CDH13: variants seen among roughly 807,000 people sequenced by gnomAD.
The protein encoded by CDH13 is cadherin-13.
A neutral mutation model predicts 63.8 loss-of-function variants in CDH13; 24 were observed. The ratio of observed to expected loss-of-function variants is 0.38; its 90% CI spans 0.27 to 0.53. The LOEUF (loss-of-function observed/expected upper bound fraction) is 0.53. CDH13 is among the 20% of genes least tolerant of loss of function. The pLI is 0.85. For synonymous variants in CDH13, 503 were observed against 355.3 expected (o/e 1.42, Z -4.67); for missense variants, 1,049 against 903.1 (o/e 1.16, Z -2.07).
intron 2 of CDH13, among the ~76,000 whole-genome samples, chr16:83,024,980 A>G (rs951363407): frequency 1.3e-5 from 2 of 152,192 alleles, no homozygotes; most frequent in African/African-American, 4.8e-5. Context: ...AACCATTTCC[A>G]TGGCAACAGC....
intron 8 of CDH13, among the ~76,000 whole-genome samples, chr16:83,611,062 A>G (rs1169373606): frequency 6.6e-6 from 1 of 152,156 alleles, no homozygotes; most frequent in Non-Finnish European, 1.5e-5. Context: ...GAAGTTGACC[A>G]TCTTCCATCC....
Position 82,677,147 on chromosome 16 carries a change from G to GGTGGAATTA in CDH13, c.45+50011_45+50019dup, listed in dbSNP as rs1914020818. ...TCCACCCTCCTTGGCCTCCCAAAGT[G>GGTGGAATTA]GTGGAATTATAGGAGTGAGCCACTG... On this transcript the variant is annotated intron_variant, in intron 1 of 13. Coordinates refer to ENST00000567109, the MANE Select transcript of CDH13 (RefSeq NM_001257.5). 5.9e-5 allele frequency among the ~76,000 whole-genome samples: 9 copies of GGTGGAATTA among 152,262 alleles called. No individual in the cohort carries two copies. In the South Asian group the frequency reaches 1.9e-3, roughly 32 times the overall value.
chr16:83,151,629 C>T (rs1371532503), intron 4 of CDH13, among the ~76,000 whole-genome samples: 1 of 151,948 alleles, frequency 6.6e-6, no homozygotes, highest in Non-Finnish European at 1.5e-5. Context: ...TCAAGGATAG[C>T]TTTAAAAAAA....
chr16:83,737,997 A>G (rs1023770530), intron 10 of CDH13, among the ~76,000 whole-genome samples: 2 of 152,250 alleles, frequency 1.3e-5, no homozygotes, highest in Non-Finnish European at 2.9e-5. Context: ...ATATGAATAC[A>G]TACATCGTAC....
At chr16:83,332,871 G>A (rs560668656) in intron 5 of CDH13, among the ~76,000 whole-genome samples, 34 of 152,154 alleles carry the variant, frequency 2.2e-4, no homozygotes, top group African/African-American at 7.0e-4. Flanking sequence ...GATTGTGAGC[G>A]TGCATACACA....
intron 5 of CDH13, among the ~76,000 whole-genome samples, chr16:83,293,446 G>T (rs899819360): frequency 1.1e-3 from 166 of 152,190 alleles, no homozygotes; most frequent in African/African-American, 3.9e-3. Context: ...GCTGTCATCT[G>T]GGAAAGGTCA....
rs145183104 is a variant in CDH13 at position 82,760,481 on chromosome 16, C to A, written c.46-97881C>A. On this transcript the variant is annotated intron_variant, in intron 1 of 13. Coordinates refer to ENST00000567109, the MANE Select transcript of CDH13 (RefSeq NM_001257.5). ...TTTTGTACTTTTATTAATATTATGG[C>A]ATTACAACACCTTACTTTAGGAGAT... is the stretch of plus-strand genomic sequence containing the variant. Among the ~76,000 whole-genome samples the A allele has an allele frequency of 4.7e-3, 717 of 152,140 alleles. 12 individuals carry two copies. The highest frequency in any genetic ancestry group is 0.016 in the African/African-American group (672 of 41,472).
chr16:82,720,878 G>A (rs2032729095), intron 1 of CDH13, among the ~76,000 whole-genome samples: 1 of 152,182 alleles, frequency 6.6e-6, no homozygotes, highest in African/African-American at 2.4e-5. Context: ...TCCTGTGCCT[G>A]AAACAAAGCT....
chr16:82,908,519 C>T (rs1160897825), intron 2 of CDH13, among the ~76,000 whole-genome samples: 1 of 152,146 alleles, frequency 6.6e-6, no homozygotes, highest in Non-Finnish European at 1.5e-5. Flanking sequence ...TTTTAAACAC[C>T]TTATTTAACA....
chr16:83,408,785 C>G (rs1342591134), intron 6 of CDH13, among the ~76,000 whole-genome samples: 2 of 152,136 alleles, frequency 1.3e-5, no homozygotes, highest in Non-Finnish European at 1.5e-5. Context: ...ATGGTGGCTG[C>G]TCATGTTGTC....
chr16:83,630,249 A>G (rs1407116368), intron 8 of CDH13, among the ~76,000 whole-genome samples: 4 of 152,200 alleles, frequency 2.6e-5, no homozygotes, highest in Admixed American at 6.5e-5. Flanking sequence ...TAAAGGTTAA[A>G]TAAAGTGCAA....
intron 5 of CDH13, among the ~76,000 whole-genome samples, chr16:83,282,631 G>C (rs902931474): frequency 6.6e-6 from 1 of 152,200 alleles, no homozygotes; most frequent in African/African-American, 2.4e-5. Context: ...ACTGTCCTTA[G>C]TGTAAAAAGA....
intron 1 of CDH13, among the ~76,000 whole-genome samples, chr16:82,815,019 T>G (rs1185643832): frequency 6.6e-6 from 1 of 152,198 alleles, no homozygotes; most frequent in African/African-American, 2.4e-5. Flanking sequence ...TGTTTTTTTT[T>G]CTATCCTTCA....
At chr16:83,774,206 A>G (rs1291345532) in intron 11 of CDH13, among the ~76,000 whole-genome samples, 1 of 152,130 alleles carries the variant, frequency 6.6e-6, no homozygotes, top group Non-Finnish European at 1.5e-5. Flanking sequence ...TATCCTGCCT[A>G]TTGTCCTACT....
chr16:82,942,339 G>A lies in CDH13; in HGVS notation c.157+83866G>A, dbSNP rs140216697. 1.1e-3 allele frequency among the ~76,000 whole-genome samples: 172 copies of A among 152,252 alleles called. 1 individual carries two copies. The highest frequency in any genetic ancestry group is 3.5e-3 in the African/African-American group (145 of 41,550). On this transcript the variant is annotated intron_variant, in intron 2 of 13. Coordinates refer to ENST00000567109, the MANE Select transcript of CDH13 (RefSeq NM_001257.5). ...TAACCAATATGTGTGATCTATTTCC[G>A]CACTGTCTTTCCCTGGTCTTTATAT...
At chr16:83,784,694 G>A (rs1272327885) in intron 13 of CDH13, among the ~76,000 whole-genome samples, 1 of 151,154 alleles carries the variant, frequency 6.6e-6, no homozygotes, top group African/African-American at 2.4e-5. Context: ...TTCAGACTGG[G>A]CATTTCTGAA....
chr16:83,158,255 C>T (rs919491451), intron 4 of CDH13, among the ~76,000 whole-genome samples: 1 of 152,182 alleles, frequency 6.6e-6, no homozygotes, highest in African/African-American at 2.4e-5. Context: ...TTATGTTCTT[C>T]GCTTTCTCCT....
intron 1 of CDH13, among the ~76,000 whole-genome samples, chr16:82,845,392 A>G (rs1350288381): frequency 1.3e-5 from 2 of 152,202 alleles, no homozygotes; most frequent in Non-Finnish European, 2.9e-5. Flanking sequence ...GAGCCAAAGC[A>G]GAATGCAAAG....
At chr16:83,101,903 C>T (rs1433569062) in intron 3 of CDH13, among the ~76,000 whole-genome samples, 1 of 152,146 alleles carries the variant, frequency 6.6e-6, no homozygotes, top group Non-Finnish European at 1.5e-5. Flanking sequence ...AGAACCAAGG[C>T]CCCAGGATTG....
Sources: gnomAD v4.1 joint callset for allele counts (sites outside exome capture counted in the v4.1 genomes callset) on GRCh38, gnomAD v4.1.1 for gene constraint, MANE v1.5 for transcripts, NCBI Gene and HGNC (gene_info 2026-07-23, HGNC 2026-07-21) for gene names.